Variants in TTLL5 observed in about 807,000 individuals in gnomAD.
TTLL5 encodes the protein tubulin tyrosine ligase like 5.
In TTLL5, 132 loss-of-function variants were observed where a neutral mutation model predicts 168.4. The observed-to-expected ratio is 0.78, with a 90% CI of 0.68 to 0.91. TTLL5 has a LOEUF of 0.91. Ranked by LOEUF, TTLL5 falls within the 40% of genes least tolerant of loss-of-function variation. The probability of loss-of-function intolerance (pLI) is 0.00; values close to 1 mark genes in which losing one functional copy is unlikely to be tolerated. For missense variants in TTLL5, 1,545 were observed against 1,581.5 expected, an observed-to-expected ratio of 0.98 and a Z score of 0.39; for synonymous variants, 546 against 558.6, an observed-to-expected ratio of 0.98 and a Z score of 0.32.
rs953920387 is a variant in TTLL5, at chr14:75,870,810, T to A, written c.3522+6948T>A. 2.0e-5 allele frequency among the ~76,000 whole-genome samples: 3 copies of A among 151,822 alleles called. No individual in the cohort carries two copies. The East Asian group carries it at 5.8e-4, about 29-fold the overall frequency. On this transcript the variant is annotated intron_variant, in intron 29 of 31. Coordinates refer to ENST00000298832, the MANE Select transcript of TTLL5 (RefSeq NM_015072.5). ...ATGCTTGCTTTGGTTTTTTTTTTTTTTTTGAGACGGAGTCTTGCTCTGTCG... is the reference window on the plus strand; with the variant it reads ...ATGCTTGCTTTGGTTTTTTTTTTTTATTTGAGACGGAGTCTTGCTCTGTCG...
At chr14:75,938,087 T>C (rs2034487237) in intron 31 of TTLL5, among the ~76,000 whole-genome samples, 1 of 152,252 alleles carries the variant, frequency 6.6e-6, no homozygotes, top group Admixed American at 6.5e-5. Flanking sequence ...GATGTGGTTT[T>C]AAATTAAACA....
chr14:75,823,475 G>A (rs1397087147), intron 28 of TTLL5, among the ~76,000 whole-genome samples: 2 of 152,144 alleles, frequency 1.3e-5, no homozygotes, highest in East Asian at 3.9e-4. Context: ...GAAGAACAGG[G>A]CCTCAGACAG....
At chr14:75,801,824 A>G (rs1365409107) in intron 27 of TTLL5, among the ~76,000 whole-genome samples, 1 of 152,208 alleles carries the variant, frequency 6.6e-6, no homozygotes, top group Non-Finnish European at 1.5e-5. Flanking sequence ...TTTAAAAAGA[A>G]AGTTGCTTTA....
chr14:75,933,528 T>C (rs1266206727), intron 31 of TTLL5, among the ~76,000 whole-genome samples: 1 of 152,184 alleles, frequency 6.6e-6, no homozygotes, highest in Non-Finnish European at 1.5e-5. Flanking sequence ...TAACTGAGTG[T>C]CTCTGGCTCA....
intron 23 of TTLL5, among the ~76,000 whole-genome samples, chr14:75,778,306 C>A (rs1006450221): frequency 6.6e-6 from 1 of 152,174 alleles, no homozygotes; most frequent in Non-Finnish European, 1.5e-5. Flanking sequence ...TACATGGATA[C>A]TTTTCAGGGC....
At chr14:75,846,931 CAA>C (rs2139870516) in intron 28 of TTLL5, among the ~76,000 whole-genome samples, 1 of 152,030 alleles carries the variant, frequency 6.6e-6, no homozygotes, top group South Asian at 2.1e-4. Flanking sequence ...TCTTCCTTGG[CAA>C]GTGTAATGTC....
chr14:75,914,033 A>AAATATATATATATATAT, intron 31 of TTLL5, among the ~76,000 whole-genome samples: 1 of 71,118 alleles, frequency 1.4e-5, no homozygotes, highest in African/African-American at 1.6e-4. Context: ...AAAAAAAAAA[A>AAATATATATATATATAT]ATATATATAT....
chr14:75,743,032 T>C (rs891295817), intron 15 of TTLL5, among the ~76,000 whole-genome samples: 5 of 152,238 alleles, frequency 3.3e-5, no homozygotes, highest in Middle Eastern at 3.2e-3. Context: ...CTAGCCATGA[T>C]TGATGTCAGC....
intron 18 of TTLL5, among the ~76,000 whole-genome samples, chr14:75,758,101 T>C (rs1443491297): frequency 6.6e-6 from 1 of 152,206 alleles, no homozygotes; most frequent in Non-Finnish European, 1.5e-5. Context: ...GGTATTCTCG[T>C]TTAGCTGTGT....
chr14:75,669,786 T>C (rs1165424528), intron 3 of TTLL5, among the ~76,000 whole-genome samples: 1 of 152,216 alleles, frequency 6.6e-6, no homozygotes, highest in East Asian at 1.9e-4. Flanking sequence ...ATTTTAACCA[T>C]TTTAGAGTGT....
At chr14:75,765,552 A>T (rs1370391904) in intron 19 of TTLL5, among the ~76,000 whole-genome samples, 1 of 152,134 alleles carries the variant, frequency 6.6e-6, no homozygotes, top group African/African-American at 2.4e-5. Flanking sequence ...AATGAAGATT[A>T]TTAATAGGTT....
chr14:75,852,458 C>T (rs1896910956), intron 28 of TTLL5, among the ~76,000 whole-genome samples: 1 of 152,116 alleles, frequency 6.6e-6, no homozygotes, highest in African/African-American at 2.4e-5. Flanking sequence ...CTTACAATTT[C>T]GTGTAGTTAT....
intron 28 of TTLL5, among the ~76,000 whole-genome samples, chr14:75,836,523 A>T (rs1024158778): frequency 6.6e-6 from 1 of 152,166 alleles, no homozygotes; most frequent in Admixed American, 6.5e-5. Context: ...TAATTTAATT[A>T]TACATTTTTA....
At position 75,707,614 on chromosome 14, in the gene TTLL5, T is replaced by C; in HGVS notation, c.656-9T>C. ...TTTTTTTTTGTGAATACAAACTTTTTTTTTTTAGATTTCAAGTTTGACGTG... is the reference window on the plus strand; with the variant it reads ...TTTTTTTTTGTGAATACAAACTTTTCTTTTTTAGATTTCAAGTTTGACGTG... On this transcript the variant is annotated splice_polypyrimidine_tract_variant and intron_variant, in intron 8 of 31. Coordinates refer to ENST00000298832, the MANE Select transcript of TTLL5 (RefSeq NM_015072.5). 3 of 1,608,032 alleles carry C rather than the reference T, an allele frequency of 1.9e-6. No homozygotes were observed. The highest frequency in any genetic ancestry group is 1.3e-5 in the African/African-American group (1 of 74,576).
intron 29 of TTLL5, among the ~76,000 whole-genome samples, chr14:75,871,455 G>A (rs1015721771): frequency 1.3e-5 from 2 of 151,832 alleles, no homozygotes; most frequent in African/African-American, 2.4e-5. Flanking sequence ...CCTCCCCCAC[G>A]ACAGAATTGA....
chr14:75,899,748 C>A (rs778597290), intron 30 of TTLL5, among the ~76,000 whole-genome samples: 2 of 151,916 alleles, frequency 1.3e-5, no homozygotes, highest in Non-Finnish European at 2.9e-5. Context: ...CAGTAAAGAA[C>A]GGGATAAAGC....
intron 15 of TTLL5, among the ~76,000 whole-genome samples, chr14:75,741,505 C>G (rs920867994): frequency 1.3e-5 from 2 of 149,488 alleles, no homozygotes; most frequent in African/African-American, 4.9e-5. Context: ...GTCTTGGTGG[C>G]CTTTCAAATC....
At chr14:75,753,079 T>C (rs1890046136) in intron 18 of TTLL5, 124 bp downstream of exon 18, 1 of 856,454 alleles carries the variant, frequency 1.2e-6, no homozygotes, top group South Asian at 2.0e-5. Context: ...AAAAAAGTCC[T>C]GTAGAAAGCA....
intron 6 of TTLL5, among the ~76,000 whole-genome samples, chr14:75,695,991 A>T (rs1039823029): frequency 1.3e-5 from 2 of 148,326 alleles, no homozygotes; most frequent in South Asian, 4.3e-4. Context: ...TCCTAGGCTC[A>T]TGTAATCTGC....
Sources: gnomAD v4.1 joint callset for allele counts (sites outside exome capture counted in the v4.1 genomes callset) on GRCh38, gnomAD v4.1.1 for gene constraint, MANE v1.5 for transcripts, NCBI Gene and HGNC (gene_info 2026-07-23, HGNC 2026-07-21) for gene names.